Variants in CCBE1 observed in about 807,000 individuals in gnomAD.
CCBE1 encodes collagen and calcium-binding EGF domain-containing protein 1.
Under a neutral mutation model 50.0 loss-of-function variants are expected in CCBE1, and 37 were observed. The ratio of observed to expected loss-of-function variants is 0.74; its 90% CI spans 0.57 to 0.97. The LOEUF (loss-of-function observed/expected upper bound fraction) is 0.97, where lower values mean the gene tolerates loss of function less well. Among genes scored for constraint, CCBE1 ranks in the 50% least tolerant of loss-of-function variants. The probability of loss-of-function intolerance (pLI) is 0.00; values close to 1 mark genes in which losing one functional copy is unlikely to be tolerated. For missense variants in CCBE1, 538 were observed against 523.8 expected (o/e 1.03, Z -0.26); for synonymous variants, 234 against 203.7 (o/e 1.15, Z -1.27).
chr18:59,623,341 TCTGCTCTATC>T (rs1331368789), intron 2 of CCBE1, among the ~76,000 whole-genome samples: 1 of 152,228 alleles, frequency 6.6e-6, no homozygotes, highest in African/African-American at 2.4e-5. Flanking sequence ...ATCAGTCAGG[TCTGCTCTATC>T]CTGGTCTCCC....
intron 2 of CCBE1, among the ~76,000 whole-genome samples, chr18:59,502,079 G>T (rs1913649445): frequency 6.6e-6 from 1 of 152,212 alleles, no homozygotes; most frequent in Admixed American, 6.5e-5. Flanking sequence ...GGGATTACAG[G>T]CATGAGCCAG....
intron 2 of CCBE1, among the ~76,000 whole-genome samples, chr18:59,592,182 C>A (rs2053280455): frequency 6.6e-6 from 1 of 152,166 alleles, no homozygotes; most frequent in Non-Finnish European, 1.5e-5. Flanking sequence ...TATTATCCTG[C>A]CTGTGAACAG....
At chr18:59,577,891 A>G (rs932943293) in intron 2 of CCBE1, among the ~76,000 whole-genome samples, 3 of 152,236 alleles carry the variant, frequency 2.0e-5, no homozygotes, top group Admixed American at 6.5e-5. Context: ...CAACCAGGAC[A>G]TAGACATGGG....
At chr18:59,697,583 T>A, upstream of CCBE1, 3 of 543,334 alleles carry the variant, frequency 5.5e-6, no homozygotes, top group Middle Eastern at 4.9e-4. Flanking sequence ...GTACCTGCGG[T>A]GTCCGGCTGG....
intron 2 of CCBE1, among the ~76,000 whole-genome samples, chr18:59,543,530 G>A (rs1367673452): frequency 6.6e-6 from 1 of 152,100 alleles, no homozygotes; most frequent in South Asian, 2.1e-4. Flanking sequence ...AAACTAATGC[G>A]AGAGGCCGCG....
intron 2 of CCBE1, among the ~76,000 whole-genome samples, chr18:59,551,854 C>T (rs1453792233): frequency 6.6e-6 from 1 of 152,206 alleles, no homozygotes; most frequent in Non-Finnish European, 1.5e-5. Flanking sequence ...CTTCCTAGTG[C>T]TCAGTTTCTT....
chr18:59,615,266 G>C (rs988319302), intron 2 of CCBE1, among the ~76,000 whole-genome samples: 14 of 152,180 alleles, frequency 9.2e-5, no homozygotes, highest in Admixed American at 7.9e-4. Flanking sequence ...CCATCTCTAG[G>C]GTCATCTCTT....
At chr18:59,565,675 AG>A (rs1210443547) in intron 2 of CCBE1, among the ~76,000 whole-genome samples, 3 of 152,116 alleles carry the variant, frequency 2.0e-5, no homozygotes, top group Non-Finnish European at 4.4e-5. Flanking sequence ...AACTAAGCAT[AG>A]GGCCCTTTTA....
chr18:59,592,698 G>A (rs1296520071), intron 2 of CCBE1, among the ~76,000 whole-genome samples: 1 of 152,170 alleles, frequency 6.6e-6, no homozygotes, highest in Non-Finnish European at 1.5e-5. Context: ...TAATGAGATT[G>A]GTGGACAGGT....
At chr18:59,552,143 T>TG (rs1915951710) in intron 2 of CCBE1, among the ~76,000 whole-genome samples, 1 of 152,194 alleles carries the variant, frequency 6.6e-6, no homozygotes, top group South Asian at 2.1e-4. Flanking sequence ...TGGCCTGGAC[T>TG]TCCTCAAATG....
At chr18:59,608,063 T>C (rs762164790) in intron 2 of CCBE1, among the ~76,000 whole-genome samples, 1 of 152,158 alleles carries the variant, frequency 6.6e-6, no homozygotes, top group African/African-American at 2.4e-5. Flanking sequence ...GAGGTTGCAG[T>C]GAGCTGAGAT....
chr18:59,645,881 A>C (rs1360724954), intron 2 of CCBE1, among the ~76,000 whole-genome samples: 1 of 152,092 alleles, frequency 6.6e-6, no homozygotes, highest in South Asian at 2.1e-4. Context: ...AATACAAAAA[A>C]ATAGCCGGGT....
chr18:59,494,587 T>TA lies in CCBE1; in HGVS notation c.213-14350dup, dbSNP rs200994439. Among the ~76,000 whole-genome samples the TA allele has an allele frequency of 3.2e-3, 488 of 151,990 alleles. 3 individuals carry two copies. Among genetic ancestry groups the TA allele is most frequent in the African/African-American group, 0.011 (460 of 41,476 alleles). ...TTCCTAACACACTGGATATACAGAA[T>TA]AAAAAAATCAGAGAAGTCCAAGACT... is the stretch of plus-strand genomic sequence containing the variant. On this transcript the variant is annotated intron_variant, in intron 2 of 10. Transcript: ENST00000439986.
chr18:59,673,591 T>G (rs1457904534), intron 2 of CCBE1, among the ~76,000 whole-genome samples: 1 of 152,198 alleles, frequency 6.6e-6, no homozygotes, highest in Non-Finnish European at 1.5e-5. Flanking sequence ...CATAAATAGC[T>G]CTTATTATTT....
rs77379869 is a variant in CCBE1, at chr18:59,693,735, G to A, written c.212+2894C>T. ...CATTTTCTAGGACTTTTCTGAGCTC[G>A]TAATAGATGCACAATAGATTCTTAA... is the stretch of plus-strand genomic sequence containing the variant. On this transcript the variant is annotated intron_variant, in intron 2 of 10. Coordinates refer to ENST00000439986, the MANE Select transcript of CCBE1 (RefSeq NM_133459.4). 5.1e-3 allele frequency among the ~76,000 whole-genome samples: 774 copies of A among 152,138 alleles called. 8 individuals are homozygous for A. The highest frequency in any genetic ancestry group is 0.017 in the African/African-American group (723 of 41,502).
intron 2 of CCBE1, among the ~76,000 whole-genome samples, chr18:59,509,799 C>T (rs545786110): frequency 2.8e-5 from 4 of 144,858 alleles, no homozygotes; most frequent in South Asian, 4.7e-4. Context: ...ATTTTTAGAT[C>T]GGGCTGATTT....
At chr18:59,543,846 A>C (rs371114738) in intron 2 of CCBE1, among the ~76,000 whole-genome samples, 11 of 140,642 alleles carry the variant, frequency 7.8e-5, no homozygotes, top group East Asian at 4.2e-4. Flanking sequence ...AAAAAAAAAA[A>C]AAAAAAAAAA....
intron 2 of CCBE1, among the ~76,000 whole-genome samples, chr18:59,550,745 T>C (rs946349471): frequency 3.3e-5 from 5 of 151,496 alleles, no homozygotes; most frequent in Admixed American, 1.3e-4. Flanking sequence ...TACAGTCATG[T>C]GGGCTGGGTG....
chr18:59,435,972 C>G lies in CCBE1; in HGVS notation c.1157G>C (p.Gly386Ala), dbSNP rs766519876. The change falls in exon 11 of 11, where the codon GGA (glycine) becomes GCA (alanine). Residue 386 changes from glycine (G) to alanine (A), a missense_variant. Coordinates refer to ENST00000439986, the MANE Select transcript of CCBE1 (RefSeq NM_133459.4). The part of the protein sequence containing the change: ...SYPEAMDLGS[G>A]DDHPRRTETR... ...CTCAGTTCTTCTTGGATGGTCATCT[C>G]CAGAGCCCAGGTCCATGGCTTCTGG... is the stretch of plus-strand genomic sequence containing the variant. 12 of 1,613,978 alleles carry G rather than the reference C, an allele frequency of 7.4e-6. No individual in the cohort carries two copies. The highest frequency in any genetic ancestry group is 9.3e-6 in the Non-Finnish European group (11 of 1,180,030).
Sources: gnomAD v4.1 joint callset for allele counts (sites outside exome capture counted in the v4.1 genomes callset) on GRCh38, gnomAD v4.1.1 for gene constraint, MANE v1.5 for transcripts, NCBI Gene and HGNC (gene_info 2026-07-23, HGNC 2026-07-21) for gene names.